Variants in GPHN observed in about 807,000 individuals in gnomAD.
The protein encoded by GPHN is gephyrin.
A neutral mutation model predicts 95.5 loss-of-function variants in GPHN; 17 were observed. The observed-to-expected ratio is 0.18, with a 90% CI of 0.12 to 0.27. GPHN has a LOEUF of 0.27. GPHN is among the 10% of genes least tolerant of loss of function. The pLI is 1.00. For synonymous variants in GPHN, 320 were observed against 322.5 expected (o/e 0.99, Z 0.08); for missense variants, 660 against 978.1 (o/e 0.67, Z 4.34).
At chr14:67,183,225 C>T (rs770958886), downstream of GPHN, among the ~76,000 whole-genome samples, 4 of 152,066 alleles carry the variant, frequency 2.6e-5, no homozygotes, top group Non-Finnish European at 5.9e-5. Context: ...ATGTATTAAG[C>T]TCCACAAAGG....
the GPHN span, chr14:67,562,399 A>T: frequency 6.2e-7 from 1 of 1,613,738 alleles, no homozygotes; most frequent in African/African-American, 1.3e-5. Flanking sequence ...AGCCCCTTCA[A>T]CCTCATCTGG....
the GPHN span, among the ~76,000 whole-genome samples, chr14:67,250,777 G>A: frequency 7.2e-5 from 11 of 152,170 alleles, no homozygotes; most frequent in Non-Finnish European, 7.4e-5. Flanking sequence ...CATAGTTTTT[G>A]TAGGCATCCT....
the GPHN span, among the ~76,000 whole-genome samples, chr14:67,620,532 T>C: frequency 7.9e-5 from 12 of 152,170 alleles, no homozygotes; most frequent in Admixed American, 7.8e-4. Context: ...GAGCATTAAC[T>C]GGGAGGGAAA....
chr14:67,646,968 T>C, the GPHN span: 8 of 1,612,696 alleles, frequency 5.0e-6, no homozygotes, highest in African/African-American at 6.7e-5. Flanking sequence ...ATGAGAGATA[T>C]TGATCGACTT....
chr14:67,042,909 A>C (rs2074788599), intron 10 of GPHN, among the ~76,000 whole-genome samples: 1 of 152,018 alleles, frequency 6.6e-6, no homozygotes, highest in Admixed American at 6.6e-5. Context: ...TATTTGCTTG[A>C]GCAGTTGTTT....
At chr14:67,248,495 C>T in the GPHN span, among the ~76,000 whole-genome samples, 1 of 152,098 alleles carries the variant, frequency 6.6e-6, no homozygotes, top group Non-Finnish European at 1.5e-5. Flanking sequence ...TATGATATAA[C>T]ATTATAAAAA....
At chr14:67,278,331 C>T in the GPHN span, among the ~76,000 whole-genome samples, 3 of 150,500 alleles carry the variant, frequency 2.0e-5, no homozygotes, top group African/African-American at 7.4e-5. Flanking sequence ...CCACTGCACC[C>T]GGCCCAATTC....
intron 1 of GPHN, among the ~76,000 whole-genome samples, chr14:66,656,354 C>A (rs1283788552): frequency 6.6e-6 from 1 of 152,080 alleles, no homozygotes; most frequent in Non-Finnish European, 1.5e-5. Flanking sequence ...TTGCCTGTGT[C>A]TCTTAGGTTA....
the GPHN span, chr14:67,200,324 G>A: frequency 1.5e-6 from 1 of 654,132 alleles, no homozygotes; most frequent in Non-Finnish European, 2.7e-6. Flanking sequence ...CTCTCCCTCA[G>A]TAAATTCACA....
intron 1 of GPHN, among the ~76,000 whole-genome samples, chr14:66,657,018 C>T (rs541585397): frequency 9.9e-5 from 15 of 152,260 alleles, no homozygotes; most frequent in African/African-American, 3.1e-4. Context: ...CTAGGCCTCT[C>T]GCACCAAACA....
chr14:67,695,526 G>T, the GPHN span: 1 of 1,140,444 alleles, frequency 8.8e-7, no homozygotes, highest in Non-Finnish European at 1.2e-6. Flanking sequence ...CCATCTTGGA[G>T]CCCCCCCAGG....
intron 9 of GPHN, among the ~76,000 whole-genome samples, chr14:66,990,176 T>G (rs1365348497): frequency 6.6e-5 from 10 of 152,004 alleles, no homozygotes. Context: ...AACCATCAGA[T>G]CTAGTGAGAA....
At chr14:66,699,819 G>A (rs1309300976) in intron 2 of GPHN, among the ~76,000 whole-genome samples, 3 of 152,146 alleles carry the variant, frequency 2.0e-5, no homozygotes, top group South Asian at 2.1e-4. Context: ...TGTTTGCCAT[G>A]ATTTGTTTTT....
chr14:66,926,814 G>C (rs1361573157), intron 8 of GPHN, among the ~76,000 whole-genome samples: 1 of 152,102 alleles, frequency 6.6e-6, no homozygotes, highest in Non-Finnish European at 1.5e-5. Flanking sequence ...ATTGCATTGA[G>C]TCCATAGATT....
the GPHN span, among the ~76,000 whole-genome samples, chr14:67,607,849 A>G: frequency 1.3e-5 from 2 of 152,200 alleles, no homozygotes; most frequent in African/African-American, 4.8e-5. Context: ...TGTGTAGTAC[A>G]ATGTAACTCT....
the GPHN span, among the ~76,000 whole-genome samples, chr14:67,215,902 A>G: frequency 6.6e-6 from 1 of 152,204 alleles, no homozygotes; most frequent in Non-Finnish European, 1.5e-5. Flanking sequence ...GAATCATTTC[A>G]GCTACTTCTT....
the GPHN span, chr14:67,200,185 C>G: frequency 8.7e-7 from 1 of 1,147,960 alleles, no homozygotes; most frequent in Middle Eastern, 2.3e-4. Context: ...TATGCGTGGA[C>G]TTCCTCCACT....
At chr14:67,324,499 T>C in the GPHN span, among the ~76,000 whole-genome samples, 1 of 152,244 alleles carries the variant, frequency 6.6e-6, no homozygotes, top group Non-Finnish European at 1.5e-5. Context: ...TTTCATTGAC[T>C]ATGCCTTTAA....
chr14:66,684,139 T>C, intron 2 of GPHN, among the ~76,000 whole-genome samples: 1 of 152,218 alleles, frequency 6.6e-6, no homozygotes, highest in Non-Finnish European at 1.5e-5. Flanking sequence ...TATGTTGATG[T>C]GCCTGGCAGA....
Sources: gnomAD v4.1 joint callset for allele counts (sites outside exome capture counted in the v4.1 genomes callset) on GRCh38, gnomAD v4.1.1 for gene constraint, MANE v1.5 for transcripts, NCBI Gene and HGNC (gene_info 2026-07-23, HGNC 2026-07-21) for gene names.